Variants in XKR6 observed in about 807,000 individuals in gnomAD.
XKR6 encodes XK related 6, also known as XK-related protein 6.
In XKR6, 22 loss-of-function variants were observed where a neutral mutation model predicts 56.7. The ratio of observed to expected loss-of-function variants is 0.39; its 90% CI spans 0.28 to 0.55. The LOEUF (loss-of-function observed/expected upper bound fraction) is 0.55, where lower values mean the gene tolerates loss of function less well. XKR6 is among the 20% of genes least tolerant of loss of function. The pLI, the probability that XKR6 is intolerant of heterozygous loss-of-function variation, is 0.66. For synonymous variants in XKR6, 524 were observed against 387.8 expected, an observed-to-expected ratio of 1.35 and a Z score of -4.13; for missense variants, 852 against 889.0, an observed-to-expected ratio of 0.96 and a Z score of 0.53.
At position 10,917,350 on chromosome 8, in the gene XKR6, C is replaced by T. The variant is rs535599231; in HGVS notation, c.961+7284G>A. Among the ~76,000 whole-genome samples the T allele has an allele frequency of 2.0e-5, 3 of 152,330 alleles. No individual in the cohort carries two copies. The East Asian group carries it at 5.8e-4, about 29-fold the overall frequency. Reference sequence around the variant, plus strand: ...CTGGATGGCCTGATGGGCAGCATCTCCCCCACCTCCACTCCCAGGAGATCC... The same window carrying T: ...CTGGATGGCCTGATGGGCAGCATCTTCCCCACCTCCACTCCCAGGAGATCC... On this transcript the variant is annotated intron_variant, in intron 2 of 2. Transcript: ENST00000416569.
At chr8:11,172,737 C>T (rs1802442384) in intron 1 of XKR6, among the ~76,000 whole-genome samples, 2 of 152,160 alleles carry the variant, frequency 1.3e-5, no homozygotes. Flanking sequence ...CAAAGCTTTT[C>T]CTTTACTCCA....
intron 1 of XKR6, among the ~76,000 whole-genome samples, chr8:10,945,982 G>A (rs546115953): frequency 1.7e-4 from 26 of 152,118 alleles, no homozygotes; most frequent in Admixed American, 4.6e-4. Flanking sequence ...TAGCCCCCAC[G>A]CAGTCTTTCC....
intron 1 of XKR6, among the ~76,000 whole-genome samples, chr8:11,110,796 C>T (rs1798857347): frequency 6.6e-6 from 1 of 152,024 alleles, no homozygotes; most frequent in Non-Finnish European, 1.5e-5. Context: ...AAGTAGCCCA[C>T]AGTTTTAAAT....
intron 1 of XKR6, among the ~76,000 whole-genome samples, chr8:10,954,866 C>CTT (rs34248780): frequency 0.1 from 9,647 of 92,632 alleles, 866 homozygotes; most frequent in Middle Eastern, 0.13. Flanking sequence ...ACTTCATTCT[C>CTT]TTTTTTTTTT....
intron 1 of XKR6, among the ~76,000 whole-genome samples, chr8:10,930,658 C>A (rs1234317004): frequency 1.3e-5 from 2 of 152,184 alleles, no homozygotes; most frequent in Non-Finnish European, 2.9e-5. Context: ...AAAAATCAAT[C>A]AATGTAATCT....
intron 1 of XKR6, among the ~76,000 whole-genome samples, chr8:11,116,972 T>G (rs1799208291): frequency 6.6e-6 from 1 of 152,148 alleles, no homozygotes; most frequent in South Asian, 2.1e-4. Context: ...AGTCTTAACT[T>G]TTACTACTCA....
intron 1 of XKR6, among the ~76,000 whole-genome samples, chr8:10,998,574 C>T (rs1435831941): frequency 6.6e-6 from 1 of 152,318 alleles, no homozygotes. Context: ...ACAAGAGCAG[C>T]AGCTGATGAG....
chr8:11,007,983 T>A (rs1798410225), intron 1 of XKR6, among the ~76,000 whole-genome samples: 1 of 151,954 alleles, frequency 6.6e-6, no homozygotes, highest in Non-Finnish European at 1.5e-5. Context: ...GAGACCTGGA[T>A]GTGTGGGTGC....
rs564932403 is a variant in XKR6, at chr8:11,200,059, C to T, written c.764+517G>A. On this transcript the variant is annotated intron_variant, in intron 1 of 2. Transcript: ENST00000416569. This position sits in a 1 kb window ranked among gnomAD's most constrained non-coding sequence, Gnocchi z 6.4. ...CTGGGAGTGCAGGAGGGGGAAGGGG[C>T]GTGGAATCCAGGAGTGCTCGGAGGC... Among the ~76,000 whole-genome samples the T allele has an allele frequency of 6.6e-6, 1 of 151,868 alleles. No individual in the cohort carries two copies. Among genetic ancestry groups the T allele is most frequent in the South Asian group, 2.1e-4 (1 of 4,806 alleles).
At chr8:11,080,935 T>A (rs1174310425) in intron 1 of XKR6, among the ~76,000 whole-genome samples, 1 of 152,064 alleles carries the variant, frequency 6.6e-6, no homozygotes, top group Non-Finnish European at 1.5e-5. Context: ...CAAAAGAAGA[T>A]CCGTATGACA....
At chr8:11,056,915 C>G (rs1799699298) in intron 1 of XKR6, among the ~76,000 whole-genome samples, 2 of 152,158 alleles carry the variant, frequency 1.3e-5, no homozygotes, top group African/African-American at 4.8e-5. Context: ...TCTCTAGTCT[C>G]ACTTCTCCCA....
chr8:11,118,413 A>T (rs985896241), intron 1 of XKR6, among the ~76,000 whole-genome samples: 21 of 152,198 alleles, frequency 1.4e-4, no homozygotes, highest in African/African-American at 4.6e-4. Flanking sequence ...CTCTGGTAGA[A>T]TTCATCTGTG....
At chr8:10,940,231 G>A (rs1801346225) in intron 1 of XKR6, among the ~76,000 whole-genome samples, 1 of 152,190 alleles carries the variant, frequency 6.6e-6, no homozygotes, top group African/African-American at 2.4e-5. Context: ...CTGAGAGGTG[G>A]CATCATGAGC....
intron 1 of XKR6, among the ~76,000 whole-genome samples, chr8:11,086,860 C>T (rs565270601): frequency 1.3e-5 from 2 of 152,218 alleles, no homozygotes; most frequent in Non-Finnish European, 2.9e-5. Flanking sequence ...AGATTTAACA[C>T]TAGAAATATT....
chr8:11,174,404 G>A (rs1030777107), intron 1 of XKR6, among the ~76,000 whole-genome samples: 5 of 152,226 alleles, frequency 3.3e-5, no homozygotes, highest in African/African-American at 1.2e-4. Flanking sequence ...GCAGCAAGAA[G>A]GAAATCAGAG....
At chr8:11,029,937 C>A (rs988309760) in intron 1 of XKR6, among the ~76,000 whole-genome samples, 1 of 152,182 alleles carries the variant, frequency 6.6e-6, no homozygotes, top group Non-Finnish European at 1.5e-5. Context: ...TATGTGGTGT[C>A]CATACCTCCA....
At chr8:10,903,320 C>G (rs771836599) in intron 2 of XKR6, among the ~76,000 whole-genome samples, 1 of 152,168 alleles carries the variant, frequency 6.6e-6, no homozygotes, top group Non-Finnish European at 1.5e-5. Context: ...GCCTTGAGGA[C>G]AGCCTGTGAA....
chr8:10,923,826 A>C (rs906447627), intron 2 of XKR6, among the ~76,000 whole-genome samples: 1 of 152,132 alleles, frequency 6.6e-6, no homozygotes. Context: ...ACCCCTCCTC[A>C]TGGCTGCCTG....
At position 10,996,661 on chromosome 8, in the gene XKR6, G is replaced by A. The variant is rs144992229; in HGVS notation, c.765-71831C>T. Among the ~76,000 whole-genome samples, 719 of 152,278 alleles carry A rather than the reference G, an allele frequency of 4.7e-3. 3 individuals are homozygous for A. The highest frequency in any genetic ancestry group is 0.017 in the African/African-American group (697 of 41,538). Reference sequence around the variant, plus strand: ...CAGGGGTAAGGGATGGGTGTGTTGGGTGAAGACTGTTCTGGTCCATAAAAA... The same window carrying A: ...CAGGGGTAAGGGATGGGTGTGTTGGATGAAGACTGTTCTGGTCCATAAAAA... On this transcript the variant is annotated intron_variant, in intron 1 of 2. Coordinates refer to ENST00000416569, the MANE Select transcript of XKR6 (RefSeq NM_173683.4).
Sources: gnomAD v4.1 joint callset for allele counts (sites outside exome capture counted in the v4.1 genomes callset) on GRCh38, gnomAD v4.1.1 for gene constraint, Gnocchi (gnomAD v3.1) non-coding constraint, MANE v1.5 for transcripts, NCBI Gene and HGNC (gene_info 2026-07-23, HGNC 2026-07-21) for gene names.